PREX1: variants seen among roughly 807,000 people sequenced by gnomAD.
PREX1 encodes the protein phosphatidylinositol-3,4,5-trisphosphate dependent Rac exchange factor 1.
Under a neutral mutation model 198.3 loss-of-function variants are expected in PREX1, and 41 were observed. The ratio of observed to expected loss-of-function variants is 0.21; its 90% CI spans 0.16 to 0.27. The LOEUF (loss-of-function observed/expected upper bound fraction) is 0.27, where lower values mean the gene tolerates loss of function less well. PREX1 is among the 10% of genes least tolerant of loss of function. The probability of loss-of-function intolerance (pLI) is 1.00; values close to 1 mark genes in which losing one functional copy is unlikely to be tolerated. For missense variants in PREX1, 1,620 were observed against 2,200.7 expected (o/e 0.74, Z 5.28); for synonymous variants, 843 against 887.2 (o/e 0.95, Z 0.89).
At chr20:48,859,558 T>C in the PREX1 span, among the ~76,000 whole-genome samples, 2 of 152,048 alleles carry the variant, frequency 1.3e-5, no homozygotes, top group African/African-American at 4.8e-5. Context: ...ATAACAAGTG[T>C]TGGGTGAGGA....
rs772901459 is a variant in PREX1, at chr20:48,636,548, C to T, written c.4082G>A (p.Arg1361His). Residue 1361 changes from arginine to histidine, a missense_variant, in exon 32 of 40, where the codon CGC becomes CAC. This residue lies in a region of PREX1 where 476 missense variants were observed against 603.4 expected (regional missense o/e 0.79). Transcript: ENST00000371941. ...NNNGEYEESSRDASRKWLEQV... is the reference protein window; with the variant it reads ...NNNGEYEESSHDASRKWLEQV... ...CTCCAGCCACTTGCGGCTGGCGTCG[C>T]GGCTGCTCTCCTCGTACTCGCCATT... The T allele has an allele frequency of 7.4e-6, 12 of 1,611,440 alleles. No individual in the cohort carries two copies. Among genetic ancestry groups the T allele is most frequent in the Middle Eastern group, 1.6e-4 (1 of 6,074 alleles).
At chr20:48,771,410 T>C (rs1448121628) in intron 1 of PREX1, among the ~76,000 whole-genome samples, 1 of 151,952 alleles carries the variant, frequency 6.6e-6, no homozygotes, top group Non-Finnish European at 1.5e-5. Context: ...TGGGAGTCTC[T>C]TGTTGTCTCC....
At chr20:48,752,640 A>T (rs1030095401) in intron 1 of PREX1, among the ~76,000 whole-genome samples, 1 of 152,102 alleles carries the variant, frequency 6.6e-6, no homozygotes, top group African/African-American at 2.4e-5. Flanking sequence ...GAGTGCCTTG[A>T]TGGATTCAGC....
At chr20:48,698,222 C>T (rs1190121140) in intron 7 of PREX1, among the ~76,000 whole-genome samples, 1 of 152,150 alleles carries the variant, frequency 6.6e-6, no homozygotes, top group Non-Finnish European at 1.5e-5. Context: ...CCCCAGGGAG[C>T]CCACTTGGAA....
intron 3 of PREX1, 127 bp from the exon 4 acceptor site, chr20:48,734,777 G>A (rs2090049779): frequency 1.4e-6 from 1 of 720,520 alleles, no homozygotes; most frequent in Non-Finnish European, 2.4e-6. Flanking sequence ...AGCTACAGCA[G>A]GAGGTATCTC....
intron 16 of PREX1, among the ~76,000 whole-genome samples, chr20:48,658,995 G>A (rs2089567840): frequency 1.3e-5 from 2 of 151,940 alleles, no homozygotes; most frequent in African/African-American, 2.4e-5. Flanking sequence ...TTGGGAGGCC[G>A]AGACGGGTTG....
In PREX1 at chr20:48,704,256, C is replaced by T. The variant is rs376683069; in HGVS notation, c.784-3370G>A. Among the ~76,000 whole-genome samples the T allele has an allele frequency of 2.3e-4, 35 of 152,324 alleles. 1 individual carries two copies. Among genetic ancestry groups the T allele is most frequent in the African/African-American group, 7.7e-4 (32 of 41,560 alleles). On this transcript the variant is annotated intron_variant, in intron 6 of 39. Transcript: ENST00000371941. ...CGACCTGCTCACCTCTAACTCAGGC[C>T]GCTCTTCGAAGACAACCTGAAGATT...
chr20:48,667,593 C>T lies in PREX1; in HGVS notation c.1666-1238G>A, dbSNP rs57618297. ...TCTTGATAGGTGGCATCTCTGTAAG[C>T]CACTGTTCAGTTGGGCTTGTTATCC... On this transcript the variant is annotated intron_variant, in intron 14 of 39. Transcript: ENST00000371941. 3.5e-3 allele frequency among the ~76,000 whole-genome samples: 531 copies of T among 152,352 alleles called. 6 individuals carry two copies. The highest frequency in any genetic ancestry group is 0.016 in the South Asian group (77 of 4,826).
At chr20:48,657,568 C>T (rs756508825) in intron 17 of PREX1, among the ~76,000 whole-genome samples, 9 of 152,308 alleles carry the variant, frequency 5.9e-5, no homozygotes, top group South Asian at 2.1e-4. Context: ...TCCTTCCAAC[C>T]GCTCACATCA....
At chr20:48,887,483 A>T in the PREX1 span, among the ~76,000 whole-genome samples, 2 of 152,178 alleles carry the variant, frequency 1.3e-5, no homozygotes, top group Non-Finnish European at 2.9e-5. Context: ...AGCCAGGCAT[A>T]GTGGCTCACA....
At chr20:48,749,544 T>G (rs563652936) in intron 1 of PREX1, among the ~76,000 whole-genome samples, 1 of 152,180 alleles carries the variant, frequency 6.6e-6, no homozygotes, top group Non-Finnish European at 1.5e-5. Flanking sequence ...GAGAGGAGGC[T>G]AGCCCTCTGC....
intron 36 of PREX1, among the ~76,000 whole-genome samples, chr20:48,630,057 G>A (rs1050844606): frequency 6.6e-6 from 1 of 152,150 alleles, no homozygotes; most frequent in Non-Finnish European, 1.5e-5. Flanking sequence ...GTGCTGCGGG[G>A]ACATTCTGCC....
rs565111859 is a variant in PREX1, at chr20:48,664,117, G to A, written c.1738+2166C>T. 2.0e-5 allele frequency among the ~76,000 whole-genome samples: 3 copies of A among 152,368 alleles called. No homozygotes were observed. The East Asian group carries it at 5.8e-4, about 29-fold the overall frequency. ...TGGTCGGGCGCGGTGGCTCACGCCT[G>A]TAATCCCAGCACTTTGGGAAGCCAA... On this transcript the variant is annotated intron_variant, in intron 15 of 39. Transcript: ENST00000371941.
At chr20:48,711,076 G>A (rs969582107) in intron 5 of PREX1, among the ~76,000 whole-genome samples, 5 of 152,234 alleles carry the variant, frequency 3.3e-5, no homozygotes, top group East Asian at 1.9e-4. Context: ...GAGGATGCAC[G>A]GGATGGAATG....
chr20:48,627,450 C>G lies in PREX1; in HGVS notation c.4937+98G>C, dbSNP rs920350867. 5 of 1,336,662 alleles carry G rather than the reference C, an allele frequency of 3.7e-6. No individual in the cohort carries two copies. The African/African-American group carries it at 5.8e-5, about 15-fold the overall frequency. 82.8% of individuals were successfully genotyped at this position (1,336,662 alleles called of 1,614,324 possible). ...CCATAAATGAGAGGGGAAGCCCCATCTGAGCATTAGGGGTTAGGCCAGGAG... is the reference window on the plus strand; with the variant it reads ...CCATAAATGAGAGGGGAAGCCCCATGTGAGCATTAGGGGTTAGGCCAGGAG... On this transcript the variant is annotated intron_variant, in intron 39 of 39. Transcript: ENST00000371941.
intron 37 of PREX1, among the ~76,000 whole-genome samples, chr20:48,628,256 C>A (rs1283963052): frequency 1.3e-5 from 2 of 152,236 alleles, no homozygotes; most frequent in Admixed American, 6.5e-5. Context: ...CAGAGGAGGA[C>A]TCGGTAAATA....
chr20:48,848,690 G>A, the PREX1 span, among the ~76,000 whole-genome samples: 1 of 152,158 alleles, frequency 6.6e-6, no homozygotes, highest in Admixed American at 6.5e-5. Context: ...ATGCTGCTTC[G>A]CAGACGTTTG....
chr20:48,695,018 T>C (rs367825682), intron 7 of PREX1, among the ~76,000 whole-genome samples: 34 of 152,342 alleles, frequency 2.2e-4, no homozygotes, highest in African/African-American at 6.3e-4. Flanking sequence ...CATATTTTTG[T>C]AAACTTTGTA....
intron 1 of PREX1, among the ~76,000 whole-genome samples, chr20:48,772,402 CT>C (rs990305947): frequency 6.6e-6 from 1 of 152,168 alleles, no homozygotes; most frequent in Non-Finnish European, 1.5e-5. Context: ...AGGCCGGCCC[CT>C]GTCCCTGTGA....
Sources: gnomAD v4.1 joint callset for allele counts (sites outside exome capture counted in the v4.1 genomes callset) on GRCh38, gnomAD v4.1.1 for gene constraint, gnomAD v4.1.1 regional missense constraint, MANE v1.5 for transcripts, NCBI Gene and HGNC (gene_info 2026-07-23, HGNC 2026-07-21) for gene names.